Variants in EPB41L2 observed in about 807,000 individuals in gnomAD.
EPB41L2 encodes the protein erythrocyte membrane protein band 4.1 like 2.
Under a neutral mutation model 113.0 loss-of-function variants are expected in EPB41L2, and 43 were observed. The ratio of observed to expected loss-of-function variants is 0.38; its 90% CI spans 0.30 to 0.49. The LOEUF is 0.49. Ranked by LOEUF, EPB41L2 falls within the 20% of genes least tolerant of loss-of-function variation. The pLI is 0.95. For synonymous variants in EPB41L2, 442 were observed against 436.7 expected, an observed-to-expected ratio of 1.01 and a Z score of -0.15; for missense variants, 1,147 against 1,223.4, an observed-to-expected ratio of 0.94 and a Z score of 0.93.
chr6:130,937,546 C>T (rs998603767), intron 3 of EPB41L2, among the ~76,000 whole-genome samples: 1 of 152,102 alleles, frequency 6.6e-6, no homozygotes, highest in Non-Finnish European at 1.5e-5. Context: ...ATTGGCTGGG[C>T]GCGGTGGCTC....
chr6:130,914,208 A>AT (rs1332445727), intron 4 of EPB41L2, among the ~76,000 whole-genome samples: 3 of 152,242 alleles, frequency 2.0e-5, no homozygotes, highest in Non-Finnish European at 2.9e-5. Context: ...ATAAATATGC[A>AT]TACAAGTACC....
intron 3 of EPB41L2, 67 bp downstream of exon 3, chr6:130,955,038 A>C: frequency 3.5e-6 from 5 of 1,427,710 alleles, no homozygotes; most frequent in Non-Finnish European, 4.9e-6. Flanking sequence ...AAAACACAAA[A>C]ATCTATTCAT....
chr6:131,032,964 C>T (rs900947544), intron 1 of EPB41L2, among the ~76,000 whole-genome samples: 4 of 152,192 alleles, frequency 2.6e-5, no homozygotes, highest in African/African-American at 9.7e-5. Context: ...CAACCTCTGT[C>T]ACCCGGATTC....
intron 1 of EPB41L2, among the ~76,000 whole-genome samples, chr6:130,964,299 G>A (rs188705934): frequency 5.3e-5 from 8 of 152,280 alleles, no homozygotes; most frequent in African/African-American, 1.4e-4. Context: ...TGGGATTACA[G>A]GCATGAACCA....
intron 1 of EPB41L2, among the ~76,000 whole-genome samples, chr6:131,025,461 T>C (rs1182507299): frequency 6.6e-6 from 1 of 152,162 alleles, no homozygotes; most frequent in Non-Finnish European, 1.5e-5. Flanking sequence ...ACTGCCCAAA[T>C]GTACATTTCT....
intron 1 of EPB41L2, among the ~76,000 whole-genome samples, chr6:131,026,654 C>A (rs1389362567): frequency 6.6e-6 from 1 of 152,188 alleles, no homozygotes; most frequent in African/African-American, 2.4e-5. Context: ...GTATACACCA[C>A]CAGTTTAGGC....
chr6:130,974,717 C>CTTTTTTTTT (rs71030723), intron 1 of EPB41L2, among the ~76,000 whole-genome samples: 1,847 of 64,692 alleles, frequency 0.029, 130 homozygotes, highest in Non-Finnish European at 0.037. Context: ...CTTTTCTTTT[C>CTTTTTTTTT]TTTTTTTTTT....
Position 130,890,419 on chromosome 6 carries a change from C to A in EPB41L2, c.1535G>T (p.Gly512Val). 1.2e-6 allele frequency: 2 copies of A among 1,611,896 alleles called. No individual in the cohort carries two copies. The highest frequency in any genetic ancestry group is 1.7e-6 in the Non-Finnish European group (2 of 1,179,426). ...QPPKAKFLTLGSKFRYSGRTQ... is the reference protein window; with the variant it reads ...QPPKAKFLTLVSKFRYSGRTQ... ...GCGGCCACTATAGCGAAATTTGGAC[C>A]CCAAGGTCAGGAACTTGGCTTTTGG... Residue 512 changes from glycine (G) to valine (V), a missense_variant, in exon 11 of 20, where the codon GGG (glycine) becomes GTG (valine). Gly to Val is a moderately radical substitution (Grantham distance 109, BLOSUM62 -3). Transcript: ENST00000337057.
intron 1 of EPB41L2, among the ~76,000 whole-genome samples, chr6:131,033,771 T>C (rs1389570235): frequency 2.0e-5 from 3 of 152,158 alleles, no homozygotes; most frequent in African/African-American, 7.2e-5. Flanking sequence ...AAAAGTTACC[T>C]GGGGCTGCAA....
intron 1 of EPB41L2, among the ~76,000 whole-genome samples, chr6:130,989,499 C>T (rs540297069): frequency 2.6e-4 from 40 of 151,712 alleles, no homozygotes; most frequent in African/African-American, 8.9e-4. Flanking sequence ...AAAAGAACTG[C>T]GGGAGAGTTG....
rs535155484 is a variant in EPB41L2 at position 130,935,291 on chromosome 6, T to G, written c.706-8582A>C. Among the ~76,000 whole-genome samples the G allele has an allele frequency of 2.9e-4, 44 of 152,298 alleles. No individual in the cohort carries two copies. The Middle Eastern group carries it at 0.014, about 47-fold the overall frequency. Reference sequence around the variant, plus strand: ...CAGGTTCACCTTTAATAAAATCACATAGATACTTTGACTCCTTACTTGCCC... The same window carrying G: ...CAGGTTCACCTTTAATAAAATCACAGAGATACTTTGACTCCTTACTTGCCC... On this transcript the variant is annotated intron_variant, in intron 3 of 19. Coordinates refer to ENST00000337057, the MANE Select transcript of EPB41L2 (RefSeq NM_001431.4).
intron 5 of EPB41L2, among the ~76,000 whole-genome samples, chr6:130,905,640 G>T (rs773270284): frequency 6.6e-6 from 1 of 151,932 alleles, no homozygotes; most frequent in Non-Finnish European, 1.5e-5. Context: ...GGCTTGTCTC[G>T]AATCCCTGGG....
At chr6:131,054,767 G>A (rs1221419101) in intron 1 of EPB41L2, among the ~76,000 whole-genome samples, 2 of 152,228 alleles carry the variant, frequency 1.3e-5, no homozygotes, top group Non-Finnish European at 1.5e-5. Flanking sequence ...GAAGGGCCAG[G>A]GGAAGAAGAA....
At chr6:130,859,722 T>A (rs1781415872) in intron 18 of EPB41L2, among the ~76,000 whole-genome samples, 1 of 149,288 alleles carries the variant, frequency 6.7e-6, no homozygotes, top group Admixed American at 6.7e-5. Context: ...ACCCTAAGCC[T>A]CGTTTCGTTT....
intron 19 of EPB41L2, among the ~76,000 whole-genome samples, chr6:130,849,457 AT>A (rs1778114599): frequency 6.6e-6 from 1 of 152,168 alleles, no homozygotes; most frequent in Non-Finnish European, 1.5e-5. Flanking sequence ...TAAGAGGTTA[AT>A]AACTTTAATC....
intron 1 of EPB41L2, among the ~76,000 whole-genome samples, chr6:131,042,962 T>C (rs1416459443): frequency 6.6e-6 from 1 of 152,216 alleles, no homozygotes; most frequent in Non-Finnish European, 1.5e-5. Flanking sequence ...TCTGTTTTTA[T>C]GGGGAATTTG....
At chr6:130,879,917 CT>C (rs1172100705) in intron 13 of EPB41L2, among the ~76,000 whole-genome samples, 1 of 152,052 alleles carries the variant, frequency 6.6e-6, no homozygotes, top group Non-Finnish European at 1.5e-5. Context: ...TTTGACTAAA[CT>C]TTTTTTTCCC....
chr6:130,859,085 G>C, intron 18 of EPB41L2, among the ~76,000 whole-genome samples: 1 of 152,224 alleles, frequency 6.6e-6, no homozygotes, highest in East Asian at 1.9e-4. Flanking sequence ...TGTTTTATCA[G>C]AAAGTAAACT....
rs1487974722 is a variant in EPB41L2 at position 131,020,534 on chromosome 6, A to G, written c.-15+42621T>C. On this transcript the variant is annotated intron_variant, in intron 1 of 19. Transcript: ENST00000337057. ...CTACTGCTTCCACACATTTCAAGATATTCCCATCACTGGAGTTATTCACAG... is the reference window on the plus strand; with the variant it reads ...CTACTGCTTCCACACATTTCAAGATGTTCCCATCACTGGAGTTATTCACAG... Among the ~76,000 whole-genome samples, 4 of 152,224 alleles carry G rather than the reference A, an allele frequency of 2.6e-5. No individual in the cohort carries two copies. In the East Asian group the frequency reaches 7.7e-4, roughly 29 times the overall value.
Sources: allele counts gnomAD v4.1 joint callset (sites outside exome capture counted in the v4.1 genomes callset), GRCh38; gene constraint gnomAD v4.1.1; transcripts MANE v1.5; gene names NCBI Gene and HGNC (gene_info 2026-07-23, HGNC 2026-07-21).